Variants in TERF2 observed in about 807,000 individuals in gnomAD.
TERF2 encodes the protein telomeric repeat-binding factor 2.
A neutral mutation model predicts 56.1 loss-of-function variants in TERF2; 16 were observed. The observed-to-expected ratio is 0.29, with a 90% CI of 0.19 to 0.43. TERF2 has a LOEUF of 0.43. Ranked by LOEUF, TERF2 falls within the 20% of genes least tolerant of loss-of-function variation. The probability of loss-of-function intolerance (pLI) is 1.00; values close to 1 mark genes in which losing one functional copy is unlikely to be tolerated. For synonymous variants in TERF2, 296 were observed against 282.1 expected, an observed-to-expected ratio of 1.05 and a Z score of -0.50; for missense variants, 547 against 712.9, an observed-to-expected ratio of 0.77 and a Z score of 2.65.
At chr16:69,366,557 T>G (rs185103209) in intron 7 of TERF2, 189 of 489,480 alleles carry the variant, frequency 3.9e-4, no homozygotes, top group African/African-American at 3.3e-3. Context: ...CAGCGATGAG[T>G]AGGAGGCTCT....
intron 8 of TERF2, among the ~76,000 whole-genome samples, chr16:69,359,527 CAA>C (rs71383990): frequency 5.5e-4 from 57 of 103,492 alleles, no homozygotes; most frequent in South Asian, 4.7e-3. Flanking sequence ...GACTCTGTCT[CAA>C]AAAAAAAAAA....
intron 5 of TERF2, among the ~76,000 whole-genome samples, chr16:69,369,777 T>A (rs1161962571): frequency 6.6e-6 from 1 of 152,182 alleles, no homozygotes; most frequent in Non-Finnish European, 1.5e-5. Flanking sequence ...TCTTTCAACT[T>A]TATACTTTCA....
At chr16:69,364,814 A>C (rs2013278265) in intron 7 of TERF2, among the ~76,000 whole-genome samples, 1 of 152,240 alleles carries the variant, frequency 6.6e-6, no homozygotes, top group Non-Finnish European at 1.5e-5. Context: ...GGCACCTCAC[A>C]CATACTTCTT....
At chr16:69,383,757 C>T (rs370383565) in intron 3 of TERF2, among the ~76,000 whole-genome samples, 1 of 152,246 alleles carries the variant, frequency 6.6e-6, no homozygotes, top group East Asian at 1.9e-4. Flanking sequence ...TCTTTCTACC[C>T]CACCCCCATC....
chr16:69,381,788 T>G (rs1487100665), intron 3 of TERF2, among the ~76,000 whole-genome samples: 1 of 152,192 alleles, frequency 6.6e-6, no homozygotes, highest in Non-Finnish European at 1.5e-5. Context: ...GCCCATACTT[T>G]CTATTTCAAC....
At chr16:69,374,762 T>G (rs1471486191) in intron 3 of TERF2, among the ~76,000 whole-genome samples, 3 of 148,050 alleles carry the variant, frequency 2.0e-5, no homozygotes, top group African/African-American at 7.5e-5. Context: ...GGTCAGGAGT[T>G]CAAGACCAGC....
At chr16:69,372,391 T>C (rs2013608935) in intron 3 of TERF2, 36 bp from the exon 4 acceptor site, 1 of 1,340,084 alleles carries the variant, frequency 7.5e-7, no homozygotes, top group Non-Finnish European at 1.1e-6. Flanking sequence ...TTTACTTTTG[T>C]AATGACAGGT....
At position 69,370,644 on chromosome 16, in the gene TERF2, G is replaced by A. The variant is rs1423756996; in HGVS notation, c.694-15C>T. 38 of 1,588,158 alleles carry A rather than the reference G, an allele frequency of 2.4e-5. No homozygotes were observed. The highest frequency in any genetic ancestry group is 3.2e-5 in the Non-Finnish European group (37 of 1,166,906). ...TTTCTCAGCTTCTACACAATGGACC[G>A]ATATTTGCAACATGAGAAAGTAGAA... On this transcript the variant is annotated splice_polypyrimidine_tract_variant and intron_variant, in intron 4 of 9. Transcript: ENST00000254942.
At chr16:69,374,347 C>A (rs1292634432) in intron 3 of TERF2, among the ~76,000 whole-genome samples, 2 of 152,034 alleles carry the variant, frequency 1.3e-5, no homozygotes, top group Non-Finnish European at 2.9e-5. Flanking sequence ...ACCCTGGCAA[C>A]CACTGATCCC....
rs1204701669 is a variant in TERF2, at chr16:69,360,705, C to CAAAA, written c.1426+695_1426+698dup. 4.8e-3 allele frequency among the ~76,000 whole-genome samples: 313 copies of CAAAA among 65,348 alleles called. 11 individuals are homozygous for CAAAA. The highest frequency in any genetic ancestry group is 0.018 in the African/African-American group (292 of 16,480). The allele number at this position is 65,348 out of a possible 152,430, so 42.9% of individuals were successfully genotyped here. On this transcript the variant is annotated intron_variant, in intron 8 of 9. Transcript: ENST00000254942. ...CTTGGATGAGAGTGAGACCCTGTCT[C>CAAAA]AAAAAAAAAAAAAAAAAAAAAGGAT...
intron 8 of TERF2, among the ~76,000 whole-genome samples, chr16:69,358,519 A>G (rs2013005143): frequency 1.3e-5 from 2 of 152,374 alleles, no homozygotes; most frequent in South Asian, 4.1e-4. Flanking sequence ...GTCTACATAT[A>G]CATATAGGTA....
At position 69,373,199 on chromosome 16, in the gene TERF2, T is replaced by G. The variant is rs1315394854; in HGVS notation, c.607-844A>C. On this transcript the variant is annotated intron_variant, in intron 3 of 9. Transcript: ENST00000254942. The stretch of plus-strand genomic sequence containing the variant: ...ATAAACCCCAGCTGGCAACTTCAAT[T>G]AAAGCACCTAGGGAACTACTGAAGC... 5.9e-5 allele frequency among the ~76,000 whole-genome samples: 9 copies of G among 152,130 alleles called. No individual in the cohort carries two copies. The South Asian group carries it at 1.7e-3, about 28-fold the overall frequency.
intron 8 of TERF2, among the ~76,000 whole-genome samples, chr16:69,360,462 G>C (rs890217441): frequency 6.6e-6 from 1 of 151,904 alleles, no homozygotes; most frequent in African/African-American, 2.4e-5. Context: ...CCAGCACTTT[G>C]AGAGGATGAG....
chr16:69,371,099 A>T (rs1288057781), intron 4 of TERF2, among the ~76,000 whole-genome samples: 2 of 152,154 alleles, frequency 1.3e-5, no homozygotes, highest in South Asian at 2.1e-4. Flanking sequence ...GAAGGGAAGA[A>T]GATGGCTGAG....
intron 3 of TERF2, among the ~76,000 whole-genome samples, chr16:69,377,077 C>G (rs2013819888): frequency 6.6e-6 from 1 of 151,708 alleles, no homozygotes; most frequent in Admixed American, 6.6e-5. Flanking sequence ...GTGGCACATG[C>G]CTGTAATTTC....
rs755088525 is a variant in TERF2, at chr16:69,361,407, G to C, written c.1423C>G (p.Gln475Glu). The stretch of plus-strand genomic sequence containing the variant: ...CCAAGGAGAATCTTCTGCTTACCCT[G>C]AACTTGAAACAGTTCATCCTCTTCC... Reference protein sequence around the residue: ...WVEEDELFQVQAAPDEDSTTN... With the variant: ...WVEEDELFQVEAAPDEDSTTN... Residue 475 changes from glutamine (Q) to glutamate (E), a missense_variant, in exon 8 of 10, where the codon CAG (glutamine) becomes GAG (glutamate). By Grantham distance (29) the Gln-to-Glu change is conservative. Coordinates refer to ENST00000254942, the MANE Select transcript of TERF2 (RefSeq NM_005652.5). 6.2e-7 allele frequency: 1 copy of C among 1,611,232 alleles called. No homozygotes were observed. Among genetic ancestry groups the C allele is most frequent in the Non-Finnish European group, 8.5e-7 (1 of 1,177,424 alleles).
In TERF2 at chr16:69,368,649, T is replaced by C. The variant is rs1395486385; in HGVS notation, c.841-167A>G. Reference sequence around the variant, plus strand: ...GGAGAGAACTTGTAAGACTTATAAATCAAGCTTTTTTTATTCAAACTTAAG... The same window carrying C: ...GGAGAGAACTTGTAAGACTTATAAACCAAGCTTTTTTTATTCAAACTTAAG... On this transcript the variant is annotated intron_variant, in intron 5 of 9. Coordinates refer to ENST00000254942, the MANE Select transcript of TERF2 (RefSeq NM_005652.5). 2.6e-6 allele frequency: 4 copies of C among 1,513,002 alleles called. No individual in the cohort carries two copies. In the African/African-American group the frequency reaches 5.5e-5, roughly 21 times the overall value. The allele number at this position is 1,513,002 out of a possible 1,614,324, so 93.7% of individuals were successfully genotyped here.
chr16:69,356,326 G>A lies in TERF2; in HGVS notation c.*572C>T. 2.6e-6 allele frequency: 1 copy of A among 389,584 alleles called. No individual in the cohort carries two copies. The highest frequency in any genetic ancestry group is 3.9e-4 in the Middle Eastern group (1 of 2,584). The allele number at this position is 389,584 out of a possible 1,614,324, so 24.1% of individuals were successfully genotyped here. On this transcript the variant is annotated 3_prime_UTR_variant, in exon 10 of 10. Coordinates refer to ENST00000254942, the MANE Select transcript of TERF2 (RefSeq NM_005652.5). ...AAATTTAAGCAAACCACTAAAGAAG[G>A]GAAACGCTAATGATATTCTGGCACT... is the stretch of plus-strand genomic sequence containing the variant.
chr16:69,366,572 C>A, intron 7 of TERF2: 1 of 514,290 alleles, frequency 1.9e-6, no homozygotes, highest in Non-Finnish European at 3.4e-6. Flanking sequence ...GGCTCTGAAA[C>A]CTTTCCATTC....
Sources: gnomAD v4.1 joint callset for allele counts (sites outside exome capture counted in the v4.1 genomes callset) on GRCh38, gnomAD v4.1.1 for gene constraint, MANE v1.5 for transcripts, NCBI Gene and HGNC (gene_info 2026-07-23, HGNC 2026-07-21) for gene names.